KIF26B: variants seen among roughly 807,000 people sequenced by gnomAD.
KIF26B encodes kinesin family member 26B.
KIF26B carries 63 observed loss-of-function variants against 151.2 expected under a neutral mutation model. That is an observed-to-expected ratio of 0.42 (90% CI 0.34 to 0.51). The LOEUF is 0.51. Among genes scored for constraint, KIF26B ranks in the 20% least tolerant of loss-of-function variants. KIF26B has a pLI of 0.07. For missense variants in KIF26B, 2,813 were observed against 2,913.6 expected, an observed-to-expected ratio of 0.97 and a Z score of 0.79; for synonymous variants, 1,357 against 1,262.1, an observed-to-expected ratio of 1.08 and a Z score of -1.59.
At chr1:245,577,533 G>A (rs2043131319) in intron 5 of KIF26B, among the ~76,000 whole-genome samples, 1 of 152,168 alleles carries the variant, frequency 6.6e-6, no homozygotes, top group Non-Finnish European at 1.5e-5. Context: ...GGAACTCTGG[G>A]CGATGCATCC....
intron 2 of KIF26B, among the ~76,000 whole-genome samples, chr1:245,226,343 C>T (rs1669872957): frequency 6.6e-6 from 1 of 152,226 alleles, no homozygotes; most frequent in East Asian, 1.9e-4. Flanking sequence ...TCCCTTGTCC[C>T]AGCAGAGACT....
chr1:245,506,703 A>G (rs12409921), intron 4 of KIF26B, among the ~76,000 whole-genome samples: 42,867 of 152,104 alleles, frequency 0.28, 6,554 homozygotes, highest in East Asian at 0.47. Context: ...GTTTTGTGAC[A>G]AAGTTTCACT....
rs781326566 is a variant in KIF26B, at chr1:245,512,101, T to TA, written c.1167-28659dup. ...TTTTTTATGGTCATTTGCAACTTTT[T>TA]AAAAAAAGTCCATACGGTAATGTTA... On this transcript the variant is annotated intron_variant, in intron 4 of 14. Coordinates refer to ENST00000407071, the MANE Select transcript of KIF26B (RefSeq NM_018012.4). The surrounding 1 kb of genome is among the most constrained non-coding windows in gnomAD (Gnocchi z 4.3). Among the ~76,000 whole-genome samples, 8 of 152,174 alleles carry TA rather than the reference T, an allele frequency of 5.3e-5. No homozygotes were observed. The highest frequency in any genetic ancestry group is 7.3e-5 in the Non-Finnish European group (5 of 68,036).
At chr1:245,214,963 C>G (rs375071596) in intron 2 of KIF26B, among the ~76,000 whole-genome samples, 2 of 152,104 alleles carry the variant, frequency 1.3e-5, no homozygotes, top group Admixed American at 1.3e-4. Context: ...CTTGGGAGAT[C>G]GGCTGAATGA....
chr1:245,341,194 G>A (rs1273403800), intron 2 of KIF26B, among the ~76,000 whole-genome samples: 4 of 151,646 alleles, frequency 2.6e-5, no homozygotes, highest in African/African-American at 9.7e-5. Flanking sequence ...CCGGAGCTGC[G>A]TCTGTAATGT....
At chr1:245,493,071 G>A (rs796763073) in intron 4 of KIF26B, among the ~76,000 whole-genome samples, 40 of 152,074 alleles carry the variant, frequency 2.6e-4, no homozygotes, top group African/African-American at 9.6e-4. Context: ...GAACCACTGT[G>A]CCTGGACAGG....
intron 2 of KIF26B, among the ~76,000 whole-genome samples, chr1:245,275,857 C>T (rs1670927038): frequency 1.3e-5 from 2 of 152,158 alleles, no homozygotes; most frequent in Admixed American, 1.3e-4. Context: ...AGGAACTCCT[C>T]TGCTTTTGGT....
intron 2 of KIF26B, among the ~76,000 whole-genome samples, chr1:245,217,685 A>G (rs902798824): frequency 1.3e-5 from 2 of 152,208 alleles, no homozygotes; most frequent in Non-Finnish European, 2.9e-5. Flanking sequence ...TTTTATTTTA[A>G]TATCACGACA....
At chr1:245,344,038 C>T (rs1251939220) in intron 2 of KIF26B, among the ~76,000 whole-genome samples, 2 of 152,062 alleles carry the variant, frequency 1.3e-5, no homozygotes, top group Non-Finnish European at 2.9e-5. Flanking sequence ...ACTAGAACTA[C>T]TGTGATTTTT....
chr1:245,443,457 C>G (rs1393127690), intron 4 of KIF26B, among the ~76,000 whole-genome samples: 2 of 107,786 alleles, frequency 1.9e-5, no homozygotes, highest in Non-Finnish European at 3.9e-5. Flanking sequence ...CACTGTTCAC[C>G]TAGAGCGGTC....
chr1:245,233,558 A>G (rs1670041169), intron 2 of KIF26B, among the ~76,000 whole-genome samples: 1 of 152,190 alleles, frequency 6.6e-6, no homozygotes, highest in Admixed American at 6.6e-5. Context: ...GTATGTACAT[A>G]AAGTGTGAGA....
chr1:245,403,674 A>G, intron 3 of KIF26B, among the ~76,000 whole-genome samples: 2 of 152,156 alleles, frequency 1.3e-5, no homozygotes, highest in East Asian at 3.8e-4. Flanking sequence ...TGGGGGAAAA[A>G]AACCTCTACT....
At chr1:245,609,240 T>C in intron 7 of KIF26B, 26 bp from the exon 8 acceptor site, 1 of 1,573,468 alleles carries the variant, frequency 6.4e-7, no homozygotes, top group Non-Finnish European at 8.6e-7. Context: ...CTGAACCTGC[T>C]TTTCTTCCTT....
chr1:245,640,143 C>CTCTCTCTCTCTCTCTCTCTCTCTATATA lies in KIF26B; in HGVS notation c.2099-5977_2099-5976insCTCTCTCTCTCTCTCTCTCTCTATATAT. On this transcript the variant is annotated intron_variant, in intron 9 of 14. Transcript: ENST00000407071. ...ATTTGCTCTCTCTCTCTCTCTCTCT[C>CTCTCTCTCTCTCTCTCTCTCTCTATATA]TATATATATATATATATACCCTGCT... Among the ~76,000 whole-genome samples the CTCTCTCTCTCTCTCTCTCTCTCTATATA allele has an allele frequency of 6.0e-4, 19 of 31,916 alleles. 2 individuals carry two copies. Among genetic ancestry groups the CTCTCTCTCTCTCTCTCTCTCTCTATATA allele is most frequent in the East Asian group, 2.3e-3 (1 of 438 alleles). The allele number at this position is 31,916 out of a possible 152,430, so 20.9% of individuals were successfully genotyped here.
At chr1:245,595,074 C>T (rs1242172560) in intron 5 of KIF26B, among the ~76,000 whole-genome samples, 8 of 152,194 alleles carry the variant, frequency 5.3e-5, no homozygotes, top group South Asian at 4.1e-4. Context: ...GCTGAGACGA[C>T]GGGGTTTTCT....
In KIF26B at chr1:245,602,605, C is replaced by T; in HGVS notation, c.1379C>T (p.Thr460Ile). The change falls in exon 6 of 15, where the codon ACC (threonine) becomes ATC (isoleucine). Residue 460 changes from threonine to isoleucine, a missense_variant. Thr to Ile is a moderately conservative substitution (Grantham distance 89). Transcript: ENST00000407071. This position sits in a 1 kb window ranked among gnomAD's most constrained non-coding sequence, Gnocchi z 4.5. ...AAAGTCATGCTTCGCATCTGTTCCA[C>T]CTTGGCTCGAGATACTTCAGAATCC... ...KVKVMLRICS[T>I]LARDTSESSS... is the part of the protein sequence containing the mutation. 6.2e-7 allele frequency: 1 copy of T among 1,613,484 alleles called. No homozygotes were observed.
chr1:245,241,901 C>T lies in KIF26B; in HGVS notation c.465+85218C>T, dbSNP rs1410361310. Among the ~76,000 whole-genome samples the T allele has an allele frequency of 1.3e-5, 2 of 152,146 alleles. No homozygotes were observed. Among genetic ancestry groups the T allele is most frequent in the Non-Finnish European group, 2.9e-5 (2 of 68,020 alleles). ...GGTGGCCTTCAAGGCTCATTCCTGACTCACCCAGCCTCATCTCCAGCCATT... is the reference window on the plus strand; with the variant it reads ...GGTGGCCTTCAAGGCTCATTCCTGATTCACCCAGCCTCATCTCCAGCCATT... On this transcript the variant is annotated intron_variant, in intron 2 of 14. Coordinates refer to ENST00000407071, the MANE Select transcript of KIF26B (RefSeq NM_018012.4). This position sits in a 1 kb window ranked among gnomAD's most constrained non-coding sequence, Gnocchi z 5.0.
chr1:245,667,244 C>T lies in KIF26B; in HGVS notation c.2259-16989C>T, dbSNP rs868103833. ...AGGCTGGAGTGCAGTGGCACGATCT[C>T]GGCTCACTGCAGCCTTAAGCTCCTG... On this transcript the variant is annotated intron_variant, in intron 10 of 14. Transcript: ENST00000407071. The surrounding 1 kb of genome is among the most constrained non-coding windows in gnomAD (Gnocchi z 4.3). 4.6e-5 allele frequency among the ~76,000 whole-genome samples: 7 copies of T among 152,218 alleles called. No homozygotes were observed. In the South Asian group the frequency reaches 6.2e-4, roughly 14 times the overall value.
At chr1:245,219,495 G>C (rs1237068570) in intron 2 of KIF26B, among the ~76,000 whole-genome samples, 1 of 152,098 alleles carries the variant, frequency 6.6e-6, no homozygotes, top group Non-Finnish European at 1.5e-5. Context: ...CACTTTGAGA[G>C]GCTGAGGCAG....
Sources: allele counts gnomAD v4.1 joint callset (sites outside exome capture counted in the v4.1 genomes callset), GRCh38; gene constraint gnomAD v4.1.1; non-coding constraint Gnocchi (gnomAD v3.1); transcripts MANE v1.5; gene names NCBI Gene and HGNC (gene_info 2026-07-23, HGNC 2026-07-21).